The following TOX variants were observed in gnomAD, a reference collection of about 807,000 sequenced individuals.
The protein encoded by TOX is thymocyte selection associated high mobility group box.
TOX carries 11 observed loss-of-function variants against 53.7 expected under a neutral mutation model. That is an observed-to-expected ratio of 0.20 (90% confidence interval 0.13 to 0.34). TOX has a LOEUF of 0.34. Ranked by LOEUF, TOX falls within the 10% of genes least tolerant of loss-of-function variation. The pLI, the probability that TOX is intolerant of heterozygous loss-of-function variation, is 1.00. For missense variants in TOX, 570 were observed against 664.6 expected (o/e 0.86, Z 1.56); for synonymous variants, 225 against 245.3 (o/e 0.92, Z 0.77).
intron 1 of TOX, among the ~76,000 whole-genome samples, chr8:59,107,806 GT>G (rs1804940846): frequency 6.6e-6 from 1 of 152,102 alleles, no homozygotes; most frequent in South Asian, 2.1e-4. Flanking sequence ...TATACAACAG[GT>G]TTTTAAAGCA....
chr8:58,898,550 G>A (rs1418339422), intron 3 of TOX, among the ~76,000 whole-genome samples: 1 of 152,170 alleles, frequency 6.6e-6, no homozygotes, highest in African/African-American at 2.4e-5. Flanking sequence ...AAAAGCTTCA[G>A]GAACTATAAG....
chr8:58,987,772 C>T (rs1283949395), intron 1 of TOX, among the ~76,000 whole-genome samples: 1 of 152,200 alleles, frequency 6.6e-6, no homozygotes, highest in East Asian at 1.9e-4. Context: ...GGATCCTGGT[C>T]AGTCCTGCAC....
intron 6 of TOX, among the ~76,000 whole-genome samples, chr8:58,820,163 G>GT (rs1563361963): frequency 6.6e-6 from 1 of 151,232 alleles, no homozygotes; most frequent in Non-Finnish European, 1.5e-5. Flanking sequence ...AAAAGAAACT[G>GT]TTTTTTTCAA....
intron 1 of TOX, among the ~76,000 whole-genome samples, chr8:59,089,701 G>A (rs1382604653): frequency 1.3e-5 from 2 of 152,178 alleles, no homozygotes; most frequent in Non-Finnish European, 2.9e-5. Flanking sequence ...GGGATCCTCC[G>A]CCTCAGCCTC....
At chr8:59,101,112 TA>T (rs1187988565) in intron 1 of TOX, among the ~76,000 whole-genome samples, 1 of 152,150 alleles carries the variant, frequency 6.6e-6, no homozygotes, top group Non-Finnish European at 1.5e-5. Context: ...GCAGAGAGGG[TA>T]AATGCACAAG....
chr8:58,823,559 T>C (rs1047619629), intron 6 of TOX, among the ~76,000 whole-genome samples: 4 of 152,234 alleles, frequency 2.6e-5, no homozygotes, highest in Non-Finnish European at 4.4e-5. Flanking sequence ...AAGTAATCAC[T>C]GAAGCATTGT....
At chr8:58,908,418 C>T (rs1185964244) in intron 3 of TOX, among the ~76,000 whole-genome samples, 5 of 152,178 alleles carry the variant, frequency 3.3e-5, no homozygotes, top group Non-Finnish European at 7.3e-5. Flanking sequence ...ACCTGCTGTT[C>T]TTACCTCTGT....
At chr8:59,045,200 C>T (rs768974065) in intron 1 of TOX, among the ~76,000 whole-genome samples, 4 of 152,032 alleles carry the variant, frequency 2.6e-5, no homozygotes, top group African/African-American at 4.8e-5. Flanking sequence ...TTAATTTTTA[C>T]GTCCTTCATT....
chr8:58,979,868 T>C (rs1813168812), intron 1 of TOX, among the ~76,000 whole-genome samples: 1 of 152,204 alleles, frequency 6.6e-6, no homozygotes, highest in Non-Finnish European at 1.5e-5. Flanking sequence ...CATGGGTCAT[T>C]GTGAGCATAG....
At chr8:59,091,042 A>G (rs191330214) in intron 1 of TOX, among the ~76,000 whole-genome samples, 23 of 152,166 alleles carry the variant, frequency 1.5e-4, no homozygotes, top group African/African-American at 5.1e-4. Context: ...ATATAAATAT[A>G]CCGAAGCCTC....
chr8:59,007,044 T>G (rs957060132), intron 1 of TOX, among the ~76,000 whole-genome samples: 7 of 152,198 alleles, frequency 4.6e-5, no homozygotes, highest in African/African-American at 7.2e-5. Context: ...ACAAAATCCT[T>G]GTCTGCAAAG....
At chr8:58,953,567 G>A (rs926182894) in intron 2 of TOX, among the ~76,000 whole-genome samples, 3 of 152,116 alleles carry the variant, frequency 2.0e-5, no homozygotes, top group Non-Finnish European at 4.4e-5. Context: ...GAGCAATTTT[G>A]TCTGTAATGA....
At chr8:59,040,795 G>T (rs751037796) in intron 1 of TOX, among the ~76,000 whole-genome samples, 5 of 152,208 alleles carry the variant, frequency 3.3e-5, no homozygotes, top group Non-Finnish European at 5.9e-5. Context: ...CTTAGGAGCT[G>T]GTGCTGCCTC....
chr8:59,041,090 G>A (rs1391053794), intron 1 of TOX, among the ~76,000 whole-genome samples: 1 of 151,724 alleles, frequency 6.6e-6, no homozygotes, highest in Non-Finnish European at 1.5e-5. Flanking sequence ...GTGTGTGTGT[G>A]TGTGTGTGTG....
chr8:58,856,344 T>C (rs1299549191), intron 3 of TOX, among the ~76,000 whole-genome samples: 1 of 152,214 alleles, frequency 6.6e-6, no homozygotes, highest in African/African-American at 2.4e-5. Context: ...GATTAGTTCA[T>C]GACTAATGCA....
chr8:58,947,750 T>A (rs1011990966), intron 2 of TOX, among the ~76,000 whole-genome samples: 2 of 152,214 alleles, frequency 1.3e-5, no homozygotes, highest in Non-Finnish European at 2.9e-5. Context: ...GAAGCTGGGA[T>A]GATCAAGGGA....
At chr8:58,955,897 G>A (rs1812701249) in intron 2 of TOX, among the ~76,000 whole-genome samples, 1 of 151,954 alleles carries the variant, frequency 6.6e-6, no homozygotes, top group African/African-American at 2.4e-5. Context: ...ACCATGCCCA[G>A]CTAATTTTTG....
rs540214600 is a variant in TOX at position 58,906,708 on chromosome 8, G to A, written c.411+32594C>T. Among the ~76,000 whole-genome samples the A allele has an allele frequency of 7.2e-5, 11 of 152,140 alleles. No homozygotes were observed. In the East Asian group the frequency reaches 1.7e-3, roughly 24 times the overall value. ...TATCTACATCAACATTTTTATAAAC[G>A]CTACATTTTTTTTCTCCATCTCAGT... On this transcript the variant is annotated intron_variant, in intron 3 of 8. Transcript: ENST00000361421.
chr8:58,961,415 A>C (rs571255056), intron 1 of TOX, among the ~76,000 whole-genome samples: 1 of 152,200 alleles, frequency 6.6e-6, no homozygotes, highest in African/African-American at 2.4e-5. Flanking sequence ...AGAGCAAATA[A>C]AAAATAGTAC....
Sources: allele counts gnomAD v4.1 joint callset (sites outside exome capture counted in the v4.1 genomes callset), GRCh38; gene constraint gnomAD v4.1.1; transcripts MANE v1.5; gene names NCBI Gene and HGNC (gene_info 2026-07-23, HGNC 2026-07-21).